FRMD3: variants seen among roughly 807,000 people sequenced by gnomAD.
FRMD3 encodes FERM domain containing 3.
In FRMD3, 33 loss-of-function variants were observed where a neutral mutation model predicts 70.2. The ratio of observed to expected loss-of-function variants is 0.47; its 90% CI spans 0.36 to 0.63. The LOEUF (loss-of-function observed/expected upper bound fraction) is 0.63, where lower values mean the gene tolerates loss of function less well. FRMD3 is among the 20% of genes least tolerant of loss of function. The pLI is 0.00. For missense variants in FRMD3, 632 were observed against 711.4 expected, an observed-to-expected ratio of 0.89 and a Z score of 1.27; for synonymous variants, 279 against 255.9, an observed-to-expected ratio of 1.09 and a Z score of -0.86.
At chr9:83,534,419 A>T (rs553966969) in intron 1 of FRMD3, among the ~76,000 whole-genome samples, 4 of 152,326 alleles carry the variant, frequency 2.6e-5, no homozygotes, top group Non-Finnish European at 5.9e-5. Flanking sequence ...TTGGAAAAGG[A>T]TTATTTAAAA....
At chr9:83,268,001 T>G (rs1833355396) in intron 13 of FRMD3, among the ~76,000 whole-genome samples, 1 of 152,226 alleles carries the variant, frequency 6.6e-6, no homozygotes, top group Non-Finnish European at 1.5e-5. Context: ...AGAGAGTAAC[T>G]GACCTGACCA....
At chr9:83,400,127 T>A (rs1825912782) in intron 1 of FRMD3, among the ~76,000 whole-genome samples, 1 of 152,180 alleles carries the variant, frequency 6.6e-6, no homozygotes, top group South Asian at 2.1e-4. Context: ...GTTCTCATTG[T>A]CTATGTAAAA....
In FRMD3 at chr9:83,378,446, TTATATATATATATAATATACATATAAAA is replaced by T. The variant is rs1587793249; in HGVS notation, c.253-5519_253-5492del. Among the ~76,000 whole-genome samples, 3 of 139,700 alleles carry T rather than the reference TTATATATATATATAATATACATATAAAA, an allele frequency of 2.1e-5. No individual in the cohort carries two copies. The East Asian group carries it at 6.0e-4, about 28-fold the overall frequency. The allele number at this position is 139,700 out of a possible 152,430, so 91.6% of individuals were successfully genotyped here. A position where few individuals can be genotyped will look rare whatever the true frequency, so the allele number is the denominator to read the frequency against. On this transcript the variant is annotated intron_variant, in intron 2 of 13. Transcript: ENST00000304195. ...GTGCAAGCCACCATGCCCGGCTAAT[TTATATATATATATAATATACATATAAAA>T]TTTATATATATAATATACATATAAA...
At chr9:83,540,350 C>A (rs977629479), upstream of FRMD3, among the ~76,000 whole-genome samples, 1 of 152,108 alleles carries the variant, frequency 6.6e-6, no homozygotes, top group Non-Finnish European at 1.5e-5. Flanking sequence ...ATATCAATAC[C>A]CAAAAATTGT....
At chr9:83,320,960 T>C (rs1338828433) in intron 6 of FRMD3, among the ~76,000 whole-genome samples, 1 of 152,198 alleles carries the variant, frequency 6.6e-6, no homozygotes, top group East Asian at 1.9e-4. Context: ...CTAGGTTTTC[T>C]GGTTTGTGAG....
chr9:83,247,985 T>C lies in FRMD3; in HGVS notation c.1727A>G (p.Tyr576Cys). ...AGCCACCCACTCCTTGAGGGGACAG[T>C]AGTATTCATAGTGAAACTGCTCAAA... ...PEFEQFHYEY[Y>C]CPLKEWVAGK... Residue 576 changes from tyrosine to cysteine, a missense_variant, in exon 14 of 14, where the codon TAC becomes TGC. Tyr to Cys is a radical substitution (Grantham distance 194). Transcript: ENST00000304195. 1.2e-6 allele frequency: 2 copies of C among 1,614,178 alleles called. No homozygotes were observed. The highest frequency in any genetic ancestry group is 1.7e-6 in the Non-Finnish European group (2 of 1,180,032).
At chr9:83,296,832 C>G (rs1834684421) in intron 12 of FRMD3, among the ~76,000 whole-genome samples, 1 of 152,172 alleles carries the variant, frequency 6.6e-6, no homozygotes, top group African/African-American at 2.4e-5. Flanking sequence ...TCCCTTCACC[C>G]TTCCACCACC....
At chr9:83,308,554 T>C (rs1276884375) in intron 10 of FRMD3, among the ~76,000 whole-genome samples, 1 of 152,150 alleles carries the variant, frequency 6.6e-6, no homozygotes, top group Non-Finnish European at 1.5e-5. Flanking sequence ...TGTACAGTGC[T>C]GATGGCCTGA....
chr9:83,373,153 C>T (rs1825035018), intron 2 of FRMD3, among the ~76,000 whole-genome samples, 198 bp from the exon 3 acceptor site: 1 of 152,160 alleles, frequency 6.6e-6, no homozygotes, highest in South Asian at 2.1e-4. Context: ...ACAGAGTTAA[C>T]ATTTTCCAAG....
intron 1 of FRMD3, among the ~76,000 whole-genome samples, chr9:83,440,233 T>C (rs12346296): frequency 0.12 from 17,969 of 152,252 alleles, 1,257 homozygotes; most frequent in African/African-American, 0.18. Context: ...ATCCAAGTCA[T>C]GTTCAAGGCA....
chr9:83,399,771 A>G (rs1169207545), intron 1 of FRMD3, among the ~76,000 whole-genome samples: 4 of 152,178 alleles, frequency 2.6e-5, no homozygotes, highest in Non-Finnish European at 5.9e-5. Flanking sequence ...AACTTCCTCA[A>G]CTTGATAAAG....
At chr9:83,385,701 T>G (rs1199396147) in intron 2 of FRMD3, among the ~76,000 whole-genome samples, 1 of 151,990 alleles carries the variant, frequency 6.6e-6, no homozygotes, top group Non-Finnish European at 1.5e-5. Flanking sequence ...AAATAATTCA[T>G]CAGTTTTACT....
At chr9:83,356,606 G>A (rs1456055459) in intron 3 of FRMD3, among the ~76,000 whole-genome samples, 1 of 151,076 alleles carries the variant, frequency 6.6e-6, no homozygotes, top group Non-Finnish European at 1.5e-5. Context: ...AAAACCAAAC[G>A]TTTTCCTCCA....
At chr9:83,486,364 G>A (rs1828690251) in intron 1 of FRMD3, among the ~76,000 whole-genome samples, 1 of 152,158 alleles carries the variant, frequency 6.6e-6, no homozygotes, top group Non-Finnish European at 1.5e-5. Context: ...TTGGTAGCCA[G>A]CAGGCAGCAA....
intron 1 of FRMD3, among the ~76,000 whole-genome samples, chr9:83,437,576 C>A (rs2131387452): frequency 6.6e-6 from 1 of 152,238 alleles, no homozygotes; most frequent in South Asian, 2.1e-4. Flanking sequence ...ATCACGAAGC[C>A]TAGGAAGGTT....
chr9:83,345,888 A>C (rs911880314), intron 4 of FRMD3, among the ~76,000 whole-genome samples: 3 of 152,206 alleles, frequency 2.0e-5, no homozygotes, highest in African/African-American at 7.2e-5. Context: ...CCCCAGACCC[A>C]ATGAAATCAG....
At chr9:83,536,088 T>C (rs1829885861) in intron 1 of FRMD3, among the ~76,000 whole-genome samples, 1 of 152,230 alleles carries the variant, frequency 6.6e-6, no homozygotes, top group Non-Finnish European at 1.5e-5. Context: ...ATTGGTTAAA[T>C]AATAATTGTA....
chr9:83,581,691 C>A, the FRMD3 span, among the ~76,000 whole-genome samples: 1 of 152,058 alleles, frequency 6.6e-6, no homozygotes, highest in Admixed American at 6.6e-5. Context: ...AATAGCCACA[C>A]ACAAAAAGTG....
chr9:83,479,457 GAGGA>G (rs568055207), intron 1 of FRMD3, among the ~76,000 whole-genome samples: 2 of 125,686 alleles, frequency 1.6e-5, no homozygotes, highest in African/African-American at 5.8e-5. Flanking sequence ...GGGAGGGAGG[GAGGA>G]AGGAAGGAAG....
Sources: gnomAD v4.1 joint callset for allele counts (sites outside exome capture counted in the v4.1 genomes callset) on GRCh38, gnomAD v4.1.1 for gene constraint, MANE v1.5 for transcripts, NCBI Gene and HGNC (gene_info 2026-07-23, HGNC 2026-07-21) for gene names.